Variants in TRPM6 observed in about 807,000 individuals in gnomAD.
TRPM6 encodes the protein channel kinase 2.
A neutral mutation model predicts 247.6 loss-of-function variants in TRPM6; 111 were observed. That is an observed-to-expected ratio of 0.45 (90% CI 0.38 to 0.52). TRPM6 has a LOEUF of 0.52. TRPM6 is among the 20% of genes least tolerant of loss of function. The pLI is 0.00. For synonymous variants in TRPM6, 892 were observed against 853.8 expected, an observed-to-expected ratio of 1.04 and a Z score of -0.78; for missense variants, 2,126 against 2,421.5, an observed-to-expected ratio of 0.88 and a Z score of 2.56.
intron 27 of TRPM6, among the ~76,000 whole-genome samples, chr9:74,757,382 A>G (rs1459779966): frequency 6.6e-6 from 1 of 150,692 alleles, no homozygotes; most frequent in African/African-American, 2.4e-5. Flanking sequence ...CCTGGCCAAC[A>G]TGTCGAAAAC....
rs896509009 is a variant in TRPM6 at position 74,853,228 on chromosome 9, G to C, written c.152+2299C>G. On this transcript the variant is annotated intron_variant, in intron 3 of 38. Transcript: ENST00000360774. Reference sequence around the variant, plus strand: ...CCCTCCGCCCGGCAGCCGCCCCATCGGGGAAGTGAGGAGCCCCTCCGCCCG... The same window carrying C: ...CCCTCCGCCCGGCAGCCGCCCCATCCGGGAAGTGAGGAGCCCCTCCGCCCG... Among the ~76,000 whole-genome samples, 12 of 149,694 alleles carry C rather than the reference G, an allele frequency of 8.0e-5. No individual in the cohort carries two copies. In the South Asian group the frequency reaches 1.7e-3, roughly 21 times the overall value.
At chr9:74,732,261 C>A (rs1337777306) in intron 37 of TRPM6, among the ~76,000 whole-genome samples, 1 of 152,140 alleles carries the variant, frequency 6.6e-6, no homozygotes, top group African/African-American at 2.4e-5. Flanking sequence ...ACACTTTATG[C>A]CCCTAGCTTT....
intron 9 of TRPM6, among the ~76,000 whole-genome samples, chr9:74,817,480 C>T (rs972526877): frequency 5.3e-5 from 8 of 152,188 alleles, no homozygotes; most frequent in Admixed American, 3.9e-4. Flanking sequence ...CGAGTCACCA[C>T]GCCCAGCCAG....
At chr9:74,789,759 A>G (rs529800829) in intron 19 of TRPM6, among the ~76,000 whole-genome samples, 147 of 152,260 alleles carry the variant, frequency 9.7e-4, no homozygotes, top group Non-Finnish European at 1.9e-3. Context: ...TAGGAGTTCG[A>G]GACCAGCCTG....
At chr9:74,740,334 G>C (rs767280475) in intron 33 of TRPM6, among the ~76,000 whole-genome samples, 1 of 152,186 alleles carries the variant, frequency 6.6e-6, no homozygotes, top group Non-Finnish European at 1.5e-5. Flanking sequence ...TACTTCTAAA[G>C]AGACGGTTTA....
chr9:74,812,397 C>T lies in TRPM6; in HGVS notation c.1345G>A (p.Val449Met). The T allele has an allele frequency of 6.2e-7, 1 of 1,614,040 alleles. No individual in the cohort carries two copies. Among genetic ancestry groups the T allele is most frequent in the Non-Finnish European group, 8.5e-7 (1 of 1,179,978 alleles). The change falls in exon 12 of 39, where the codon GTG (valine) becomes ATG (methionine). Residue 449 changes from valine (V) to methionine (M), a missense_variant. Physicochemically the swap from Val to Met is conservative, Grantham distance 21. Around this residue, in one of 3 missense-constraint regions of TRPM6, gnomAD observed 1,082 missense variants for 1,307.9 expected, o/e 0.83. Coordinates refer to ENST00000360774, the MANE Select transcript of TRPM6 (RefSeq NM_017662.5). ...TTCACAAAATCCACCCGATCCATCA[C>T]TAAAGCATCTGACATTGCTTGTTCC... ...ALEQAMSDAL[V>M]MDRVDFVKLL...
In TRPM6 at chr9:74,778,297, G is replaced by T. The variant is rs1452151408; in HGVS notation, c.3210-2221C>A. On this transcript the variant is annotated intron_variant, in intron 23 of 38. Transcript: ENST00000360774. ...CCCCCACAGGATCCCCCTGTGGGAG[G>T]CCCCATCTGACCCTCTCCAGCCCAT... 3.3e-5 allele frequency among the ~76,000 whole-genome samples: 5 copies of T among 152,304 alleles called. No homozygotes were observed. The East Asian group carries it at 7.7e-4, about 24-fold the overall frequency.
intron 1 of TRPM6, among the ~76,000 whole-genome samples, chr9:74,868,131 C>A (rs1162213590): frequency 2.1e-5 from 3 of 142,152 alleles, no homozygotes; most frequent in East Asian, 4.2e-4. Flanking sequence ...TCCAGCCTGA[C>A]AGAGCGAGAC....
At chr9:74,874,759 A>AT (rs34812726) in intron 1 of TRPM6, among the ~76,000 whole-genome samples, 28,531 of 143,166 alleles carry the variant, frequency 0.2, 3,057 homozygotes, top group Middle Eastern at 0.36. Flanking sequence ...TTGTAATTGT[A>AT]TTTTTTTTTT....
chr9:74,761,837 T>G (rs376769629), intron 26 of TRPM6, 29 bp from the exon 27 acceptor site: 3 of 1,556,660 alleles, frequency 1.9e-6, no homozygotes, highest in Non-Finnish European at 2.7e-6. Context: ...CATGAGAAAG[T>G]TGACAACAGT....
chr9:74,787,293 C>A (rs905838370), intron 20 of TRPM6, among the ~76,000 whole-genome samples: 1 of 151,586 alleles, frequency 6.6e-6, no homozygotes, highest in Non-Finnish European at 1.5e-5. Context: ...CGAGATCTCA[C>A]CACTGCACTC....
At chr9:74,846,687 C>G (rs905760388) in intron 3 of TRPM6, among the ~76,000 whole-genome samples, 2 of 152,146 alleles carry the variant, frequency 1.3e-5, no homozygotes, top group Middle Eastern at 3.4e-3. Context: ...GCTGGGATTA[C>G]AGGGGTGTGT....
chr9:74,809,976 CAAAAAAAA>C (rs57812269), intron 13 of TRPM6, among the ~76,000 whole-genome samples: 13 of 33,566 alleles, frequency 3.9e-4, no homozygotes, highest in Non-Finnish European at 5.8e-4. Flanking sequence ...AACTCCATCT[CAAAAAAAA>C]AAAAAAAAAA....
At chr9:74,776,181 G>A (rs781709085) in intron 23 of TRPM6, 105 bp from the exon 24 acceptor site, 3 of 969,662 alleles carry the variant, frequency 3.1e-6, no homozygotes, top group Non-Finnish European at 5.0e-6. Context: ...GACATTACCG[G>A]CAGTTACCCA....
At chr9:74,833,678 G>C (rs1222650540) in intron 6 of TRPM6, among the ~76,000 whole-genome samples, 1 of 152,190 alleles carries the variant, frequency 6.6e-6, no homozygotes, top group Non-Finnish European at 1.5e-5. Flanking sequence ...TGGTGGCTCG[G>C]ATTCACTCAG....
At chr9:74,859,067 C>G (rs535285206) in intron 1 of TRPM6, among the ~76,000 whole-genome samples, 1 of 152,284 alleles carries the variant, frequency 6.6e-6, no homozygotes, top group South Asian at 2.1e-4. Context: ...CCAAAAGTCA[C>G]TTTTATATCT....
intron 25 of TRPM6, among the ~76,000 whole-genome samples, chr9:74,765,148 T>C (rs1439542478): frequency 1.3e-5 from 2 of 152,232 alleles, no homozygotes; most frequent in Non-Finnish European, 2.9e-5. Flanking sequence ...TAGAATATTA[T>C]GCATCCATTA....
chr9:74,880,630 G>A (rs1831331182), intron 1 of TRPM6, among the ~76,000 whole-genome samples: 1 of 152,060 alleles, frequency 6.6e-6, no homozygotes, highest in Non-Finnish European at 1.5e-5. Flanking sequence ...GTCTTTCCCA[G>A]ATAAGCAAAA....
intron 17 of TRPM6, among the ~76,000 whole-genome samples, chr9:74,798,990 A>G (rs1326488244): frequency 6.6e-6 from 1 of 152,180 alleles, no homozygotes; most frequent in Non-Finnish European, 1.5e-5. Flanking sequence ...CCAGCTATCT[A>G]TATCTTATCT....
Sources: allele counts gnomAD v4.1 joint callset (sites outside exome capture counted in the v4.1 genomes callset), GRCh38; gene constraint gnomAD v4.1.1; regional missense constraint gnomAD v4.1.1; transcripts MANE v1.5; gene names NCBI Gene and HGNC (gene_info 2026-07-23, HGNC 2026-07-21).